Variants in PTPRG observed in about 807,000 individuals in gnomAD.
PTPRG encodes the protein receptor-type tyrosine-protein phosphatase gamma.
PTPRG carries 102 observed loss-of-function variants against 165.3 expected under a neutral mutation model. The observed-to-expected ratio is 0.62, with a 90% CI of 0.53 to 0.73. The LOEUF (loss-of-function observed/expected upper bound fraction) is 0.73. Ranked by LOEUF, PTPRG falls within the 30% of genes least tolerant of loss-of-function variation. The pLI is 0.00. For synonymous variants in PTPRG, 675 were observed against 669.5 expected, an observed-to-expected ratio of 1.01 and a Z score of -0.13; for missense variants, 1,866 against 1,861.4, an observed-to-expected ratio of 1.00 and a Z score of -0.05.
At chr3:62,077,630 T>C (rs1045696968) in intron 4 of PTPRG, among the ~76,000 whole-genome samples, 1 of 152,186 alleles carries the variant, frequency 6.6e-6, no homozygotes, top group African/African-American at 2.4e-5. Context: ...CATGAATGCA[T>C]TGTAGTTATG....
intron 2 of PTPRG, among the ~76,000 whole-genome samples, chr3:61,955,754 C>G (rs1467236726): frequency 6.6e-6 from 1 of 152,116 alleles, no homozygotes; most frequent in African/African-American, 2.4e-5. Flanking sequence ...TTCAGTTCTA[C>G]TGAAATAATA....
At chr3:62,037,961 C>T (rs79185660) in intron 4 of PTPRG, among the ~76,000 whole-genome samples, 12,396 of 152,140 alleles carry the variant, frequency 0.081, 537 homozygotes, top group African/African-American at 0.1. Flanking sequence ...CTTCAATCTA[C>T]GAATTTCAGG....
chr3:62,078,312 A>G, intron 5 of PTPRG, 54 bp downstream of exon 5: 2 of 1,266,998 alleles, frequency 1.6e-6, no homozygotes, highest in Non-Finnish European at 2.2e-6. Flanking sequence ...ATTTTTTTTA[A>G]TTTGCCGAAT....
intron 1 of PTPRG, among the ~76,000 whole-genome samples, chr3:61,602,676 T>G (rs926847286): frequency 1.3e-5 from 2 of 152,136 alleles, no homozygotes; most frequent in Non-Finnish European, 2.9e-5. Flanking sequence ...AGGGGCTTAG[T>G]TTTGCAGCCC....
At chr3:62,185,647 T>C (rs180796039) in intron 8 of PTPRG, among the ~76,000 whole-genome samples, 1 of 152,334 alleles carries the variant, frequency 6.6e-6, no homozygotes, top group Non-Finnish European at 1.5e-5. Context: ...GCTCTCCTGC[T>C]CTAGCTCACC....
At chr3:61,885,666 CCT>C (rs2038010616) in intron 2 of PTPRG, among the ~76,000 whole-genome samples, 1 of 12,576 alleles carries the variant, frequency 8.0e-5, no homozygotes, top group Non-Finnish European at 2.6e-4. Context: ...TCTCTCCTCT[CCT>C]CTCCTCTCCT....
intron 12 of PTPRG, among the ~76,000 whole-genome samples, chr3:62,206,564 C>T (rs190656259): frequency 7.9e-5 from 12 of 152,130 alleles, no homozygotes; most frequent in Middle Eastern, 3.4e-3. Flanking sequence ...TGTGAGGAGG[C>T]CCCCCACAGC....
At chr3:61,828,823 C>T (rs539695218) in intron 2 of PTPRG, among the ~76,000 whole-genome samples, 1 of 152,280 alleles carries the variant, frequency 6.6e-6, no homozygotes, top group African/African-American at 2.4e-5. Context: ...AAGAGGTGAG[C>T]TGTGGTTTTC....
At chr3:61,830,531 C>T (rs1462162324) in intron 2 of PTPRG, among the ~76,000 whole-genome samples, 2 of 145,826 alleles carry the variant, frequency 1.4e-5, no homozygotes, top group Admixed American at 1.4e-4. Context: ...CGACTTACGA[C>T]TTACTTAAAA....
At chr3:61,902,022 G>T (rs1430375334) in intron 2 of PTPRG, among the ~76,000 whole-genome samples, 1 of 152,178 alleles carries the variant, frequency 6.6e-6, no homozygotes, top group Non-Finnish European at 1.5e-5. Flanking sequence ...CATATTGGAT[G>T]GGAAGGTACT....
intron 23 of PTPRG, among the ~76,000 whole-genome samples, chr3:62,274,951 C>G (rs1263269403): frequency 6.6e-6 from 1 of 151,856 alleles, no homozygotes; most frequent in African/African-American, 2.4e-5. Context: ...AGAAATGCGA[C>G]CAGGTAGTTG....
intron 1 of PTPRG, among the ~76,000 whole-genome samples, chr3:61,625,678 C>T (rs1333563776): frequency 6.6e-6 from 1 of 152,126 alleles, no homozygotes; most frequent in African/African-American, 2.4e-5. Context: ...ATTTACTGGC[C>T]ATTGGTGCCC....
chr3:61,588,185 T>G (rs1003590670), intron 1 of PTPRG, among the ~76,000 whole-genome samples: 3 of 152,124 alleles, frequency 2.0e-5, no homozygotes, highest in Non-Finnish European at 4.4e-5. Context: ...TTGCTTTTTA[T>G]TACAGTTATG....
intron 2 of PTPRG, among the ~76,000 whole-genome samples, chr3:61,788,930 A>G (rs1186531950): frequency 2.0e-5 from 3 of 152,168 alleles, no homozygotes; most frequent in Non-Finnish European, 4.4e-5. Flanking sequence ...CTTGGCTGAC[A>G]AATTCTCACT....
At chr3:61,687,010 TTAA>T (rs1244800611) in intron 1 of PTPRG, among the ~76,000 whole-genome samples, 1 of 152,140 alleles carries the variant, frequency 6.6e-6, no homozygotes, top group Non-Finnish European at 1.5e-5. Flanking sequence ...AAAATTAAAT[TTAA>T]TAAAGACATC....
Position 61,962,853 on chromosome 3 carries a change from T to C in PTPRG, c.191-26772T>C, listed in dbSNP as rs187034580. Reference sequence around the variant, plus strand: ...TTTGGAGAAGGAAAGGGAGACACAGTAAACAAGTGTTATGTTTATTTTTTT... The same window carrying C: ...TTTGGAGAAGGAAAGGGAGACACAGCAAACAAGTGTTATGTTTATTTTTTT... On this transcript the variant is annotated intron_variant, in intron 2 of 29. Coordinates refer to ENST00000474889, the MANE Select transcript of PTPRG (RefSeq NM_002841.4). 2.7e-3 allele frequency among the ~76,000 whole-genome samples: 412 copies of C among 152,318 alleles called. 5 individuals carry two copies. Among genetic ancestry groups the C allele is most frequent in the South Asian group, 6.6e-3 (32 of 4,828 alleles).
intron 2 of PTPRG, among the ~76,000 whole-genome samples, chr3:61,935,477 C>G (rs2039462545): frequency 1.3e-5 from 2 of 152,072 alleles, no homozygotes; most frequent in Non-Finnish European, 2.9e-5. Flanking sequence ...AACTTCATGG[C>G]AGGCAGAAGA....
At chr3:61,945,494 G>A (rs1168203513) in intron 2 of PTPRG, among the ~76,000 whole-genome samples, 11 of 147,756 alleles carry the variant, frequency 7.4e-5, no homozygotes, top group Admixed American at 6.1e-4. Flanking sequence ...GGAAGGTGGC[G>A]GTTGCAGTGA....
chr3:62,194,821 T>A (rs998803900), intron 9 of PTPRG, among the ~76,000 whole-genome samples: 1 of 151,444 alleles, frequency 6.6e-6, no homozygotes, highest in Admixed American at 6.6e-5. Flanking sequence ...AAAAAAAGAA[T>A]AATGTTACTC....
Sources: gnomAD v4.1 joint callset for allele counts (sites outside exome capture counted in the v4.1 genomes callset) on GRCh38, gnomAD v4.1.1 for gene constraint, MANE v1.5 for transcripts, NCBI Gene and HGNC (gene_info 2026-07-23, HGNC 2026-07-21) for gene names.